Variants in C1orf94 observed in about 807,000 individuals in gnomAD.
C1orf94 encodes uncharacterized protein C1orf94.
A neutral mutation model predicts 53.6 loss-of-function variants in C1orf94; 45 were observed. The observed-to-expected ratio is 0.84, with a 90% CI of 0.66 to 1.08. The LOEUF is 1.08. Ranked by LOEUF, C1orf94 falls within the 50% of genes least tolerant of loss-of-function variation. The pLI is 0.00. For missense variants in C1orf94, 762 were observed against 738.9 expected, an observed-to-expected ratio of 1.03 and a Z score of -0.36; for synonymous variants, 304 against 296.1, an observed-to-expected ratio of 1.03 and a Z score of -0.27.
intron 6 of C1orf94, among the ~76,000 whole-genome samples, chr1:34,213,465 G>A (rs4652997): frequency 0.48 from 72,524 of 152,088 alleles, 18,126 homozygotes; most frequent in Admixed American, 0.58. Context: ...TTCCTAGGGT[G>A]CACGGAGAAT....
In C1orf94 at chr1:34,170,322, C is replaced by T. The variant is rs534759831; in HGVS notation, c.-251+3151C>T. ...GGGGTTGAGAGTTTATTGAGAACAG[C>T]GTTAAACAGCAAAGCATGATTGATT... On this transcript the variant is annotated intron_variant, in intron 1 of 6. Coordinates refer to the C1orf94 transcript ENST00000373374. 9.2e-5 allele frequency among the ~76,000 whole-genome samples: 14 copies of T among 152,144 alleles called. No individual in the cohort carries two copies. The South Asian group carries it at 1.5e-3, about 16-fold the overall frequency.
chr1:34,171,633 C>T (rs550693568), intron 1 of C1orf94, among the ~76,000 whole-genome samples: 78 of 152,278 alleles, frequency 5.1e-4, no homozygotes, highest in South Asian at 8.3e-4. Context: ...GAGAAACTGA[C>T]GAACCTAACA....
intron 1 of C1orf94, among the ~76,000 whole-genome samples, chr1:34,195,106 G>A (rs1175277138): frequency 6.6e-6 from 1 of 152,168 alleles, no homozygotes; most frequent in East Asian, 1.9e-4. Context: ...AGGGAAAGGG[G>A]ACAGAAGAGA....
chr1:34,175,899 GC>G (rs1642217370), upstream of C1orf94, among the ~76,000 whole-genome samples: 1 of 151,614 alleles, frequency 6.6e-6, no homozygotes, highest in Non-Finnish European at 1.5e-5. Flanking sequence ...TGTGGTTTTT[GC>G]CATTGCAAGT....
In C1orf94 at chr1:34,177,728, C is replaced by T; in HGVS notation, c.-62C>T. On this transcript the variant is annotated 5_prime_UTR_variant, in exon 1 of 7. Transcript: ENST00000488417. ...TCTGAACCTAACCACCTTGCTGGAG[C>T]GAAAGCCAGACAGAACTGACCCACT... is the stretch of plus-strand genomic sequence containing the variant. 12 of 1,436,914 alleles carry T rather than the reference C, an allele frequency of 8.4e-6. No homozygotes were observed. The highest frequency in any genetic ancestry group is 1.4e-5 in the South Asian group (1 of 69,616). The allele number at this position is 1,436,914 out of a possible 1,614,324, so 89.0% of individuals were successfully genotyped here.
In C1orf94 at chr1:34,201,035, G is replaced by A. The variant is rs1642698928; in HGVS notation, c.1270+3G>A. ...AGTGGATGGGCCGGAGCTGAAATGT[G>A]AGCTGACCTACCCAGGGAGGGATTG... On this transcript the variant is annotated splice_donor_region_variant and intron_variant, in intron 3 of 6. Transcript: ENST00000488417. The A allele has an allele frequency of 1.3e-6, 2 of 1,581,042 alleles. No homozygotes were observed. Among genetic ancestry groups the A allele is most frequent in the African/African-American group, 1.3e-5 (1 of 74,280 alleles).
intron 2 of C1orf94, 147 bp downstream of exon 2, chr1:34,198,060 G>T: frequency 1.1e-6 from 1 of 924,486 alleles, no homozygotes; most frequent in Non-Finnish European, 1.6e-6. Context: ...CCCGAGGGAC[G>T]GGCTGTTTCC....
intron 1 of C1orf94, among the ~76,000 whole-genome samples, chr1:34,181,146 T>G (rs954564815): frequency 2.6e-5 from 4 of 152,174 alleles, no homozygotes; most frequent in Admixed American, 6.5e-5. Flanking sequence ...CCAAGCCAAA[T>G]CTATGTCTTT....
chr1:34,213,467 A>G (rs898506803), intron 6 of C1orf94, among the ~76,000 whole-genome samples: 6 of 152,200 alleles, frequency 3.9e-5, no homozygotes, highest in Non-Finnish European at 8.8e-5. Context: ...CCTAGGGTGC[A>G]CGGAGAATGT....
chr1:34,199,989 C>T (rs559919390), intron 2 of C1orf94, among the ~76,000 whole-genome samples: 2 of 152,332 alleles, frequency 1.3e-5, no homozygotes, highest in African/African-American at 4.8e-5. Flanking sequence ...CCCTCTGCCA[C>T]CTCATGGTGT....
At chr1:34,182,206 A>G (rs10914881) in intron 1 of C1orf94, among the ~76,000 whole-genome samples, 29,718 of 152,032 alleles carry the variant, frequency 0.2, 3,609 homozygotes, top group African/African-American at 0.34. Flanking sequence ...AAACAAAACC[A>G]AAAGGAAAAG....
Position 34,200,051 on chromosome 1 carries a change from G to T in C1orf94, c.1010-721G>T, listed in dbSNP as rs181037417. Among the ~76,000 whole-genome samples the T allele has an allele frequency of 4.1e-3, 620 of 152,062 alleles. 2 individuals are homozygous for T. The highest frequency in any genetic ancestry group is 0.024 in the Middle Eastern group (7 of 294). ...CTGGGCATGTCTCTCTTTTTTTCTT[G>T]TTATGAGCTCCTGCAGGGCACAGTC... On this transcript the variant is annotated intron_variant, in intron 2 of 6. Coordinates refer to ENST00000488417, the MANE Select transcript of C1orf94 (RefSeq NM_001134734.2).
At chr1:34,172,539 C>T (rs1221222177), upstream of C1orf94, among the ~76,000 whole-genome samples, 2 of 152,120 alleles carry the variant, frequency 1.3e-5, no homozygotes, top group Admixed American at 6.5e-5. Flanking sequence ...CCACCTTTAT[C>T]AAGTAGTAGA....
chr1:34,187,744 A>C (rs1642404975), intron 1 of C1orf94, among the ~76,000 whole-genome samples: 3 of 138,816 alleles, frequency 2.2e-5, no homozygotes, highest in African/African-American at 5.4e-5. Flanking sequence ...TTCCTGTCTC[A>C]TTCCCCAGCT....
At chr1:34,212,507 C>T in intron 6 of C1orf94, 101 bp downstream of exon 6, 4 of 1,222,198 alleles carry the variant, frequency 3.3e-6, no homozygotes, top group Non-Finnish European at 4.5e-6. Flanking sequence ...ATGTGTGTTC[C>T]ATGGCTGTGG....
chr1:34,202,587 CTT>C (rs1642730386), intron 4 of C1orf94, among the ~76,000 whole-genome samples: 1 of 152,198 alleles, frequency 6.6e-6, no homozygotes, highest in Non-Finnish European at 1.5e-5. Context: ...TGCAGAGTCT[CTT>C]TGCTAGTTGT....
At chr1:34,208,083 A>G (rs757153305) in intron 4 of C1orf94, 74 bp from the exon 5 acceptor site, 90 of 1,456,952 alleles carry the variant, frequency 6.2e-5, no homozygotes, top group Middle Eastern at 1.7e-4. Flanking sequence ...CTGTCTGGGA[A>G]CTGAGCTGAG....
chr1:34,212,793 G>T (rs902794946), intron 6 of C1orf94, among the ~76,000 whole-genome samples: 1 of 152,050 alleles, frequency 6.6e-6, no homozygotes, highest in African/African-American at 2.4e-5. Context: ...CCCACTGTCC[G>T]CACCCTGATC....
At position 34,197,530 on chromosome 1, in the gene C1orf94, A is replaced by T; in HGVS notation, c.626A>T (p.Asp209Val). 1 of 1,614,116 alleles carries T rather than the reference A, an allele frequency of 6.2e-7. No individual in the cohort carries two copies. Residue 209 changes from aspartate (D) to valine (V), a missense_variant, in exon 2 of 7, where the codon GAC becomes GTC. Coordinates refer to ENST00000488417, the MANE Select transcript of C1orf94 (RefSeq NM_001134734.2). This position sits in a 1 kb window ranked among gnomAD's most constrained non-coding sequence, Gnocchi z 4.1. The part of the protein sequence containing the change: ...DCDSATSTVT[D>V]ILCAAEVKSS... Reference sequence around the variant, plus strand: ...GATTCTGCCACTTCTACTGTCACAGACATTCTGTGTGCCGCCGAGGTCAAG... The same window carrying T: ...GATTCTGCCACTTCTACTGTCACAGTCATTCTGTGTGCCGCCGAGGTCAAG...
Sources: gnomAD v4.1 joint callset for allele counts (sites outside exome capture counted in the v4.1 genomes callset) on GRCh38, gnomAD v4.1.1 for gene constraint, Gnocchi (gnomAD v3.1) non-coding constraint, MANE v1.5 for transcripts, NCBI Gene and HGNC (gene_info 2026-07-23, HGNC 2026-07-21) for gene names.